Variants in GPC3 observed in about 807,000 individuals in gnomAD.
The protein encoded by GPC3 is glypican 3.
A neutral mutation model predicts 34.4 loss-of-function variants in GPC3; 3 were observed. That is an observed-to-expected ratio of 0.09 (90% CI 0.04 to 0.23). GPC3 has a LOEUF of 0.23. Among genes scored for constraint, GPC3 ranks in the 10% least tolerant of loss-of-function variants. The pLI is 1.00. For synonymous variants in GPC3, 177 were observed against 174.0 expected (o/e 1.02, Z -0.13); for missense variants, 351 against 445.6 (o/e 0.79, Z 1.91).
At chrX:133,615,302 C>T (rs1418379223) in intron 6 of GPC3, among the ~76,000 whole-genome samples, 1 of 111,628 alleles carries the variant, frequency 9.0e-6, no homozygotes. Flanking sequence ...TTTAAAAATA[C>T]TAGCAATCTG....
intron 2 of GPC3, among the ~76,000 whole-genome samples, chrX:133,888,805 C>T (rs2076073404): frequency 8.9e-6 from 1 of 112,232 alleles, no homozygotes; most frequent in Admixed American, 9.5e-5. Context: ...TATACATGTT[C>T]ATGTTGGGCC....
rs187364700 is a variant in GPC3, at chrX:133,892,322, G to A, written c.337+60728C>T. Among the ~76,000 whole-genome samples the A allele has an allele frequency of 1.2e-4, 13 of 111,450 alleles. No homozygotes were observed. In the East Asian group the frequency reaches 3.4e-3, roughly 29 times the overall value. ...CTACTTTCCTCTTGGTGACCTCTTC[G>A]TTTCAAATGCTGTAATGAGCTCAGT... On this transcript the variant is annotated intron_variant, in intron 2 of 7. Transcript: ENST00000370818.
Position 133,536,248 on chromosome X carries a change from T to C in GPC3, c.1619A>G (p.Gln540Arg), listed in dbSNP as rs757034991. ...LDVDDAPGNS[Q>R]QATPKDNEIS... ...CTCGTTGTCCTTCGGAGTTGCCTGC[T>C]GACTGTTTCCAGGCGCATCATCCAC... Residue 540 changes from glutamine (Q) to arginine (R), a missense_variant, in exon 8 of 8, where the codon CAG becomes CGG. Coordinates refer to ENST00000370818, the MANE Select transcript of GPC3 (RefSeq NM_004484.4). The C allele has an allele frequency of 1.7e-6, 2 of 1,205,411 alleles. No homozygotes were observed. The highest frequency in any genetic ancestry group is 4.4e-5 in the Admixed American group (2 of 45,881).
chrX:133,803,773 T>G (rs7881400), intron 2 of GPC3, among the ~76,000 whole-genome samples: 5,165 of 111,552 alleles, frequency 0.046, 319 homozygotes, highest in African/African-American at 0.16. Flanking sequence ...CCTATATTAC[T>G]GTGCAAAAAC....
intron 2 of GPC3, among the ~76,000 whole-genome samples, chrX:133,863,945 G>T (rs924547645): frequency 9.0e-6 from 1 of 111,059 alleles, no homozygotes; most frequent in Admixed American, 9.5e-5. Context: ...GTGAGCCACC[G>T]CGCCCGGCCA....
At chrX:133,764,753 G>A (rs934440353) in intron 2 of GPC3, among the ~76,000 whole-genome samples, 17 of 111,849 alleles carry the variant, frequency 1.5e-4, no homozygotes, top group Non-Finnish European at 2.8e-4. Context: ...GACACACCAA[G>A]AATAACTCTG....
At chrX:133,604,923 C>G (rs991575278) in intron 6 of GPC3, among the ~76,000 whole-genome samples, 5 of 111,862 alleles carry the variant, frequency 4.5e-5, no homozygotes, top group African/African-American at 1.6e-4. Flanking sequence ...GTAGCATAAG[C>G]TAATGGAAAA....
chrX:133,573,172 GATAGAA>G (rs2069647974), intron 7 of GPC3, among the ~76,000 whole-genome samples: 1 of 111,572 alleles, frequency 9.0e-6, no homozygotes. Flanking sequence ...TGATTATCTT[GATAGAA>G]ATAGAAAAAG....
chrX:133,686,930 G>C (rs1469394274), intron 5 of GPC3, among the ~76,000 whole-genome samples: 1 of 107,975 alleles, frequency 9.3e-6, no homozygotes, highest in African/African-American at 3.4e-5. Context: ...TTGTTTGTTT[G>C]TTTGTTTTGG....
intron 2 of GPC3, among the ~76,000 whole-genome samples, chrX:133,852,985 CAAAAA>C (rs33927142): frequency 4.7e-5 from 2 of 42,111 alleles, no homozygotes; most frequent in Admixed American, 3.7e-4. Context: ...TTTTAAATTC[CAAAAA>C]AAAAAAAAAA....
At chrX:133,916,119 T>A (rs1473127653) in intron 2 of GPC3, among the ~76,000 whole-genome samples, 1 of 92,391 alleles carries the variant, frequency 1.1e-5, no homozygotes, top group Non-Finnish European at 2.1e-5. Context: ...CACCCCAGCC[T>A]GGGTGGCAAA....
chrX:133,936,241 GA>G (rs1193034241), intron 2 of GPC3, among the ~76,000 whole-genome samples: 41 of 100,232 alleles, frequency 4.1e-4, no homozygotes, highest in African/African-American at 1.3e-3. Context: ...ATAATAAAGT[GA>G]AAAAAAAAAG....
At chrX:133,834,229 C>A (rs904956700) in intron 2 of GPC3, among the ~76,000 whole-genome samples, 1 of 111,541 alleles carries the variant, frequency 9.0e-6, no homozygotes, top group Non-Finnish European at 1.9e-5. Context: ...TTGTCCAAAA[C>A]ATGGCAGATG....
At chrX:133,703,071 A>G (rs1296554016) in intron 3 of GPC3, among the ~76,000 whole-genome samples, 1 of 112,266 alleles carries the variant, frequency 8.9e-6, no homozygotes, top group Non-Finnish European at 1.9e-5. Context: ...ACATCAGGCT[A>G]TGCTGGGAGA....
intron 6 of GPC3, among the ~76,000 whole-genome samples, chrX:133,603,545 A>G (rs1314918629): frequency 1.8e-5 from 2 of 111,978 alleles, no homozygotes; most frequent in Admixed American, 9.5e-5. Context: ...AAGTAAATAT[A>G]ATATGATGAT....
intron 2 of GPC3, among the ~76,000 whole-genome samples, chrX:133,948,033 C>T (rs905312824): frequency 1.8e-5 from 2 of 110,513 alleles, no homozygotes; most frequent in East Asian, 2.8e-4. Flanking sequence ...AGCTGGAGTG[C>T]GGGCAGAACT....
At chrX:133,663,277 A>C (rs1397233880) in intron 5 of GPC3, among the ~76,000 whole-genome samples, 1 of 111,925 alleles carries the variant, frequency 8.9e-6, no homozygotes, top group East Asian at 2.9e-4. Flanking sequence ...ATCTCTACAA[A>C]AAATACAAAA....
intron 7 of GPC3, among the ~76,000 whole-genome samples, chrX:133,576,926 A>G (rs1291331790): frequency 9.0e-6 from 1 of 110,502 alleles, no homozygotes; most frequent in Non-Finnish European, 1.9e-5. Context: ...TGGCATGTTC[A>G]GGCAAAAATT....
At position 133,796,146 on chromosome X, in the gene GPC3, C is replaced by T. The variant is rs148552048; in HGVS notation, c.338-41970G>A. Among the ~76,000 whole-genome samples the T allele has an allele frequency of 4.2e-3, 461 of 109,606 alleles. 1 individual carries two copies. The highest frequency in any genetic ancestry group is 0.015 in the African/African-American group (439 of 30,157). On this transcript the variant is annotated intron_variant, in intron 2 of 7. Transcript: ENST00000370818. ...ATTTTTAGTAGAGACGGAGTTTCACCGTGTTAGCCAGGATGGTCTCAATCT... is the reference window on the plus strand; with the variant it reads ...ATTTTTAGTAGAGACGGAGTTTCACTGTGTTAGCCAGGATGGTCTCAATCT...
Sources: gnomAD v4.1 joint callset for allele counts (sites outside exome capture counted in the v4.1 genomes callset) on GRCh38, gnomAD v4.1.1 for gene constraint, MANE v1.5 for transcripts, NCBI Gene and HGNC (gene_info 2026-07-23, HGNC 2026-07-21) for gene names.